The following STAG1 variants were observed in gnomAD, a reference collection of about 807,000 sequenced individuals.
The protein encoded by STAG1 is cohesin subunit SA-1.
A neutral mutation model predicts 170.9 loss-of-function variants in STAG1; 26 were observed. The ratio of observed to expected loss-of-function variants is 0.15; its 90% CI spans 0.11 to 0.21. The LOEUF (loss-of-function observed/expected upper bound fraction) is 0.21. STAG1 is among the 10% of genes least tolerant of loss of function. The pLI, the probability that STAG1 is intolerant of heterozygous loss-of-function variation, is 1.00. For synonymous variants in STAG1, 514 were observed against 497.7 expected, an observed-to-expected ratio of 1.03 and a Z score of -0.44; for missense variants, 964 against 1,509.5, an observed-to-expected ratio of 0.64 and a Z score of 5.99.
chr3:136,659,202 A>C (rs566316052), intron 1 of STAG1, among the ~76,000 whole-genome samples: 5 of 152,360 alleles, frequency 3.3e-5, no homozygotes, highest in African/African-American at 1.2e-4. Flanking sequence ...AAAAGTGACA[A>C]GATTACAACA....
At chr3:136,400,731 T>G (rs2087300221) in intron 21 of STAG1, among the ~76,000 whole-genome samples, 2 of 152,054 alleles carry the variant, frequency 1.3e-5, no homozygotes, top group African/African-American at 4.8e-5. Flanking sequence ...AGACAGGGCT[T>G]CACCATGTTG....
chr3:136,682,622 G>C (rs1317192750), intron 1 of STAG1, among the ~76,000 whole-genome samples: 3 of 151,646 alleles, frequency 2.0e-5, no homozygotes, highest in Non-Finnish European at 4.4e-5. Flanking sequence ...ATTAAGAAAA[G>C]AATTCCATTT....
At chr3:136,713,417 T>C (rs1399959116) in intron 1 of STAG1, among the ~76,000 whole-genome samples, 1 of 151,778 alleles carries the variant, frequency 6.6e-6, no homozygotes, top group Non-Finnish European at 1.5e-5. Flanking sequence ...ATCCCGACTC[T>C]ACTAAAAATG....
intron 1 of STAG1, among the ~76,000 whole-genome samples, chr3:136,638,961 T>A (rs1487255536): frequency 6.6e-6 from 1 of 151,936 alleles, no homozygotes; most frequent in Non-Finnish European, 1.5e-5. Context: ...TTAAGCAGCA[T>A]TAAAAATGTC....
At chr3:136,494,778 C>G (rs546915338) in intron 9 of STAG1, among the ~76,000 whole-genome samples, 1 of 152,210 alleles carries the variant, frequency 6.6e-6, no homozygotes, top group Admixed American at 6.5e-5. Flanking sequence ...ATTCCTCATC[C>G]TACTAAAGGG....
At chr3:136,727,577 C>G (rs1933759027) in intron 1 of STAG1, among the ~76,000 whole-genome samples, 1 of 152,146 alleles carries the variant, frequency 6.6e-6, no homozygotes, top group African/African-American at 2.4e-5. Context: ...ACCAGGTTGG[C>G]CTGAATATAG....
intron 9 of STAG1, among the ~76,000 whole-genome samples, chr3:136,479,009 C>T (rs146568057): frequency 6.7e-6 from 1 of 150,362 alleles, no homozygotes; most frequent in South Asian, 2.1e-4. Context: ...ACTTAGAATT[C>T]TACCTGGCAT....
At chr3:136,748,616 G>A (rs1270958940) in intron 1 of STAG1, among the ~76,000 whole-genome samples, 1 of 151,720 alleles carries the variant, frequency 6.6e-6, no homozygotes. Context: ...CGGCCAAGCT[G>A]GTCTGAAACT....
At chr3:136,654,011 A>G (rs1941296376) in intron 1 of STAG1, among the ~76,000 whole-genome samples, 1 of 152,234 alleles carries the variant, frequency 6.6e-6, no homozygotes, top group Admixed American at 6.5e-5. Context: ...ATGATATATG[A>G]AAAACACACA....
chr3:136,649,411 G>A (rs949916105), intron 1 of STAG1, among the ~76,000 whole-genome samples: 3 of 150,784 alleles, frequency 2.0e-5, no homozygotes, highest in Admixed American at 6.6e-5. Flanking sequence ...CCCGGGAGGC[G>A]GAGGTTGCAG....
chr3:136,698,575 A>T (rs1402907095), intron 1 of STAG1, among the ~76,000 whole-genome samples: 1 of 152,228 alleles, frequency 6.6e-6, no homozygotes, highest in Non-Finnish European at 1.5e-5. Context: ...CCACTACGGA[A>T]AACGGTATGG....
At chr3:136,599,174 A>G (rs1410392272) in intron 4 of STAG1, among the ~76,000 whole-genome samples, 2 of 152,142 alleles carry the variant, frequency 1.3e-5, no homozygotes, top group Admixed American at 1.3e-4. Context: ...AAAGACATAA[A>G]ATCAACCCAA....
intron 4 of STAG1, among the ~76,000 whole-genome samples, chr3:136,582,976 A>G (rs149098230): frequency 6.6e-6 from 1 of 152,330 alleles, no homozygotes; most frequent in East Asian, 1.9e-4. Flanking sequence ...CTCTTTGTGC[A>G]TAGACTAGTG....
At position 136,348,956 on chromosome 3, in the gene STAG1, A is replaced by G. The variant is rs1331606454; in HGVS notation, c.3271+202T>C. 5 of 581,944 alleles carry G rather than the reference A, an allele frequency of 8.6e-6. No individual in the cohort carries two copies. The East Asian group carries it at 1.5e-4, about 17-fold the overall frequency. The allele number at this position is 581,944 out of a possible 1,614,324, so 36.0% of individuals were successfully genotyped here. On this transcript the variant is annotated intron_variant, in intron 29 of 33. Transcript: ENST00000383202. ...TTTGGGCTGTCTTCCTTTGTGCTCCATGCTTCCTCAACTTCTTTTTCCTTG... is the reference window on the plus strand; with the variant it reads ...TTTGGGCTGTCTTCCTTTGTGCTCCGTGCTTCCTCAACTTCTTTTTCCTTG...
chr3:136,629,477 C>T (rs530363289), intron 2 of STAG1, among the ~76,000 whole-genome samples: 14 of 151,768 alleles, frequency 9.2e-5, no homozygotes, highest in African/African-American at 3.4e-4. Flanking sequence ...GGTATTTATA[C>T]CATATTTATA....
intron 1 of STAG1, among the ~76,000 whole-genome samples, 169 bp downstream of exon 1, chr3:136,752,026 G>A (rs1338058634): frequency 1.3e-5 from 2 of 150,934 alleles, no homozygotes. Context: ...GGCCCGCGCG[G>A]CCTCCCTCCC....
At chr3:136,635,300 C>A (rs1337375503) in intron 1 of STAG1, among the ~76,000 whole-genome samples, 1 of 152,088 alleles carries the variant, frequency 6.6e-6, no homozygotes, top group East Asian at 1.9e-4. Context: ...CTCAGTCATG[C>A]AAGGCTGGTT....
chr3:136,635,831 C>A (rs1047465727), intron 1 of STAG1, among the ~76,000 whole-genome samples: 1 of 152,126 alleles, frequency 6.6e-6, no homozygotes, highest in African/African-American at 2.4e-5. Flanking sequence ...AGACGATGAA[C>A]AAATATAATT....
intron 11 of STAG1, among the ~76,000 whole-genome samples, chr3:136,472,802 G>A (rs2089659336): frequency 6.6e-6 from 1 of 152,096 alleles, no homozygotes; most frequent in Non-Finnish European, 1.5e-5. Context: ...TTCTTCCAAA[G>A]GTAATAAATA....
Sources: allele counts gnomAD v4.1 joint callset (sites outside exome capture counted in the v4.1 genomes callset), GRCh38; gene constraint gnomAD v4.1.1; transcripts MANE v1.5; gene names NCBI Gene and HGNC (gene_info 2026-07-23, HGNC 2026-07-21).